GAS7: variants seen among roughly 807,000 people sequenced by gnomAD.
GAS7 encodes the protein growth arrest specific 7.
In GAS7, 28 loss-of-function variants were observed where a neutral mutation model predicts 71.1. The ratio of observed to expected loss-of-function variants is 0.39; its 90% CI spans 0.29 to 0.54. GAS7 has a LOEUF of 0.54. Among genes scored for constraint, GAS7 ranks in the 20% least tolerant of loss-of-function variants. GAS7 has a pLI of 0.62. For synonymous variants in GAS7, 258 were observed against 245.8 expected (o/e 1.05, Z -0.46); for missense variants, 436 against 627.8 (o/e 0.69, Z 3.27).
chr17:9,938,470 CAAAAAAAAAAAAA>C (rs34813185), intron 8 of GAS7, among the ~76,000 whole-genome samples: 1 of 65,176 alleles, frequency 1.5e-5, no homozygotes, highest in Non-Finnish European at 2.8e-5. Context: ...GACTCTGTCT[CAAAAAAAAAAAAA>C]AAAAAAAAAA....
intron 1 of GAS7, among the ~76,000 whole-genome samples, chr17:10,061,710 G>A (rs1294226249): frequency 6.6e-6 from 1 of 152,142 alleles, no homozygotes; most frequent in Non-Finnish European, 1.5e-5. Context: ...CTGTAGGAAG[G>A]GGCAGCTGTG....
intron 1 of GAS7, among the ~76,000 whole-genome samples, chr17:10,062,819 G>A (rs2073234097): frequency 5.3e-5 from 8 of 152,138 alleles, no homozygotes; most frequent in Admixed American, 3.9e-4. Context: ...ACCATTAGCT[G>A]ACACTAATTC....
chr17:10,071,945 AAAAAAAAAGAAAAG>A (rs1315747791), intron 1 of GAS7, among the ~76,000 whole-genome samples: 5 of 150,386 alleles, frequency 3.3e-5, no homozygotes, highest in East Asian at 1.9e-4. Flanking sequence ...TCAAGAAAAA[AAAAAAAAAGAAAAG>A]AAAAAAAAGA....
intron 2 of GAS7, among the ~76,000 whole-genome samples, chr17:10,009,490 C>T (rs866948154): frequency 6.6e-6 from 1 of 151,840 alleles, no homozygotes; most frequent in South Asian, 2.1e-4. Context: ...CTGGTTTAGT[C>T]CTCCAAGCTT....
At chr17:10,017,126 G>T (rs2072059332) in intron 2 of GAS7, among the ~76,000 whole-genome samples, 1 of 139,180 alleles carries the variant, frequency 7.2e-6, no homozygotes, top group Non-Finnish European at 1.6e-5. Flanking sequence ...GTGAGACCCT[G>T]TCTAAAAAAA....
Position 9,926,657 on chromosome 17 carries a change from T to C in GAS7, c.998A>G (p.Tyr333Cys), listed in dbSNP as rs757160621. 1.6e-5 allele frequency: 26 copies of C among 1,613,740 alleles called. No individual in the cohort carries two copies. The highest frequency in any genetic ancestry group is 1.9e-5 in the Non-Finnish European group (22 of 1,180,008). Residue 333 changes from tyrosine (Y) to cysteine (C), a missense_variant, in exon 10 of 14, where the codon TAT (tyrosine) becomes TGT (cysteine). Tyr to Cys is a radical substitution (Grantham distance 194). Transcript: ENST00000432992. This position sits in a 1 kb window ranked among gnomAD's most constrained non-coding sequence, Gnocchi z 5.0. ...GCCTCTCACCTTCTCCACCGAGGCA[T>C]AGCGGCTGGCGAGCTGCTTGCGAAG... ...ADLRKQLASR[Y>C]ASVEKARKAL...
At chr17:10,133,342 T>C (rs1597810645) in intron 1 of GAS7, among the ~76,000 whole-genome samples, 7 of 151,962 alleles carry the variant, frequency 4.6e-5, no homozygotes. Context: ...AGGCTGGTCT[T>C]GAACTCCTGG....
Position 10,095,107 on chromosome 17 carries a change from C to T in GAS7, c.184-75210G>A, listed in dbSNP as rs550362135. Among the ~76,000 whole-genome samples the T allele has an allele frequency of 8.5e-5, 13 of 152,284 alleles. No homozygotes were observed. The East Asian group carries it at 2.5e-3, about 29-fold the overall frequency. ...CTTCCTGTGCCTAGGTTTCCTCACGCATTGACAATGATAATAGGACCCTCC... is the reference window on the plus strand; with the variant it reads ...CTTCCTGTGCCTAGGTTTCCTCACGTATTGACAATGATAATAGGACCCTCC... On this transcript the variant is annotated intron_variant, in intron 1 of 13. Transcript: ENST00000432992.
chr17:9,930,755 G>C (rs1011031895), intron 9 of GAS7, among the ~76,000 whole-genome samples: 1 of 152,192 alleles, frequency 6.6e-6, no homozygotes, highest in Admixed American at 6.5e-5. Flanking sequence ...TTGGCATATG[G>C]AGCTATATTA....
intron 2 of GAS7, among the ~76,000 whole-genome samples, chr17:10,003,659 A>G (rs2071358707): frequency 2.6e-5 from 4 of 152,228 alleles, no homozygotes. Flanking sequence ...AAGAGGGCAG[A>G]AGCTTCATGC....
chr17:10,129,086 C>T (rs892863661), intron 1 of GAS7, among the ~76,000 whole-genome samples: 7 of 152,078 alleles, frequency 4.6e-5, no homozygotes, highest in South Asian at 4.1e-4. Context: ...ATAGCAAAAA[C>T]GCCAAGACCA....
At chr17:9,921,952 C>T (rs1408882554) in intron 11 of GAS7, among the ~76,000 whole-genome samples, 2 of 132,472 alleles carry the variant, frequency 1.5e-5, no homozygotes, top group Non-Finnish European at 3.2e-5. Flanking sequence ...GAGCAAGACT[C>T]CATCTCAAAA....
chr17:10,082,364 T>C (rs957290904), intron 1 of GAS7, among the ~76,000 whole-genome samples: 2 of 152,228 alleles, frequency 1.3e-5, no homozygotes, highest in Non-Finnish European at 1.5e-5. Flanking sequence ...TGGCCAATGT[T>C]AATACTTGTC....
chr17:10,072,686 GA>G (rs2073353184), intron 1 of GAS7, among the ~76,000 whole-genome samples: 2 of 152,016 alleles, frequency 1.3e-5, no homozygotes, highest in South Asian at 4.1e-4. Context: ...ACCCTACCCC[GA>G]TCCACAGGAG....
intron 11 of GAS7, among the ~76,000 whole-genome samples, chr17:9,920,256 T>C (rs2067758293): frequency 1.3e-5 from 2 of 151,994 alleles, no homozygotes; most frequent in Admixed American, 1.3e-4. Flanking sequence ...GCATCTGTAG[T>C]CACAGTCTAA....
intron 1 of GAS7, among the ~76,000 whole-genome samples, chr17:10,193,163 C>T (rs1360001775): frequency 6.8e-6 from 1 of 148,020 alleles, no homozygotes; most frequent in Non-Finnish European, 1.5e-5. Context: ...ACTGGTATGT[C>T]AATGGCTTAG....
At chr17:10,027,447 T>A (rs1306515155) in intron 1 of GAS7, among the ~76,000 whole-genome samples, 1 of 152,182 alleles carries the variant, frequency 6.6e-6, no homozygotes, top group Non-Finnish European at 1.5e-5. Flanking sequence ...ATGTGTCCCC[T>A]CCAAAACTCA....
intron 7 of GAS7, among the ~76,000 whole-genome samples, chr17:9,942,918 C>T (rs1259238658): frequency 6.6e-6 from 1 of 152,158 alleles, no homozygotes; most frequent in Admixed American, 6.5e-5. Flanking sequence ...GTGTTGCTTT[C>T]AATATTTAAA....
intron 3 of GAS7, among the ~76,000 whole-genome samples, chr17:9,971,893 T>C (rs118132490): frequency 0.05 from 7,678 of 152,232 alleles, 248 homozygotes; most frequent in Non-Finnish European, 0.08. Flanking sequence ...GGCAATGGGA[T>C]GATGAAGCCC....
Sources: allele counts gnomAD v4.1 joint callset (sites outside exome capture counted in the v4.1 genomes callset), GRCh38; gene constraint gnomAD v4.1.1; non-coding constraint Gnocchi (gnomAD v3.1); transcripts MANE v1.5; gene names NCBI Gene and HGNC (gene_info 2026-07-23, HGNC 2026-07-21).